The following ABCG5 variants were observed in gnomAD, a reference collection of about 807,000 sequenced individuals.
ABCG5 encodes ATP-binding cassette sub-family G member 5.
In ABCG5, 64 loss-of-function variants were observed where a neutral mutation model predicts 64.5. The observed-to-expected ratio is 0.99, with a 90% CI of 0.81 to 1.22. ABCG5 has a LOEUF of 1.22. ABCG5 is among the 50% of genes most tolerant of loss of function. The pLI, the probability that ABCG5 is intolerant of heterozygous loss-of-function variation, is 0.00. For synonymous variants in ABCG5, 385 were observed against 326.3 expected, an observed-to-expected ratio of 1.18 and a Z score of -1.94; for missense variants, 908 against 829.5, an observed-to-expected ratio of 1.09 and a Z score of -1.16.
intron 9 of ABCG5, among the ~76,000 whole-genome samples, chr2:43,823,332 C>A: frequency 7.2e-6 from 1 of 138,570 alleles, no homozygotes; most frequent in East Asian, 2.3e-4. Context: ...CTCGGAAGGC[C>A]AGGCAAACCC....
At chr2:43,813,367 C>T in intron 12 of ABCG5, 58 bp from the exon 13 acceptor site, 1 of 1,259,858 alleles carries the variant, frequency 7.9e-7, no homozygotes, top group Middle Eastern at 1.9e-4. Flanking sequence ...ATTTAATCAA[C>T]AAGTATTTAC....
intron 2 of ABCG5, 34 bp from the exon 3 acceptor site, chr2:43,832,117 C>G: frequency 6.4e-7 from 1 of 1,561,968 alleles, no homozygotes; most frequent in Non-Finnish European, 8.7e-7. Context: ...CTAGAGGAAC[C>G]ACTCTGTGCC....
chr2:43,838,940 G>A (rs1191500522), upstream of ABCG5: 1 of 1,278,572 alleles, frequency 7.8e-7, no homozygotes, highest in Non-Finnish European at 1.1e-6. This position sits in a 1 kb window ranked among gnomAD's most constrained non-coding sequence, Gnocchi z 4.2. Flanking sequence ...GACGGGCCCA[G>A]GGCAGGAGGC....
chr2:43,809,921 A>G (rs1666420902), downstream of ABCG5: 55 of 1,383,370 alleles, frequency 4.0e-5, no homozygotes, highest in Non-Finnish European at 5.2e-5. Flanking sequence ...ATCTCCCTGT[A>G]TATCTTGAAG....
downstream of ABCG5, among the ~76,000 whole-genome samples, chr2:43,811,069 C>T (rs1666463896): frequency 6.6e-6 from 1 of 152,154 alleles, no homozygotes; most frequent in African/African-American, 2.4e-5. Flanking sequence ...GAATGAAATT[C>T]ATCTGCATAT....
chr2:43,826,470 T>A lies in ABCG5; in HGVS notation c.686A>T (p.Asn229Ile), dbSNP rs1055275055. 1 of 1,614,024 alleles carries A rather than the reference T, an allele frequency of 6.2e-7. No homozygotes were observed. The highest frequency in any genetic ancestry group is 1.7e-5 in the Admixed American group (1 of 60,000). ...PTTGLDCMTA[N>I]QIVVLLVELA... is the part of the protein sequence containing the mutation. Reference sequence around the variant, plus strand: ...TTCCACCAGGAGGACGACAATCTGATTAGCAGTCATGCAGTCCAGGCCTGT... The same window carrying A: ...TTCCACCAGGAGGACGACAATCTGAATAGCAGTCATGCAGTCCAGGCCTGT... The change falls in exon 6 of 13, where the codon AAT becomes ATT. Residue 229 changes from asparagine (N) to isoleucine (I), a missense_variant. Physicochemically the swap from Asn to Ile is moderately radical, Grantham distance 149 (BLOSUM62 -3). Transcript: ENST00000405322.
chr2:43,820,746 C>G (rs1430505272), intron 10 of ABCG5, among the ~76,000 whole-genome samples: 1 of 152,142 alleles, frequency 6.6e-6, no homozygotes, highest in African/African-American at 2.4e-5. Context: ...CTCTGCTTCC[C>G]AGGTTCCAGT....
chr2:43,838,717 G>T lies in ABCG5; in HGVS notation c.-38C>A, dbSNP rs377117720. 6.2e-7 allele frequency: 1 copy of T among 1,609,044 alleles called. No homozygotes were observed. The highest frequency in any genetic ancestry group is 1.3e-5 in the African/African-American group (1 of 74,752). On this transcript the variant is annotated 5_prime_UTR_variant, in exon 1 of 13. Transcript: ENST00000405322. This position sits in a 1 kb window ranked among gnomAD's most constrained non-coding sequence, Gnocchi z 4.2. ...GCAAAGCTGGGCAAATTTTCTGGTG[G>T]CCGGACCCTCCCCAGAGTGGCTTCA...
At chr2:43,823,862 AGG>A (rs1223684792) in intron 9 of ABCG5, 49 bp downstream of exon 9, 1 of 1,588,698 alleles carries the variant, frequency 6.3e-7, no homozygotes, top group South Asian at 1.1e-5. Context: ...CAGCTGGAGA[AGG>A]GAGGTATTTA....
chr2:43,825,698 C>T (rs1401500398), intron 6 of ABCG5, among the ~76,000 whole-genome samples: 1 of 151,242 alleles, frequency 6.6e-6, no homozygotes, highest in African/African-American at 2.4e-5. Context: ...CTGCAACCTC[C>T]TGGGTTCAAG....
chr2:43,810,664 G>A (rs1666449726), downstream of ABCG5, among the ~76,000 whole-genome samples: 1 of 152,204 alleles, frequency 6.6e-6, no homozygotes, highest in South Asian at 2.1e-4. Flanking sequence ...CAAGCCATCT[G>A]CTTATTGCAA....
intron 11 of ABCG5, among the ~76,000 whole-genome samples, chr2:43,818,447 AAAAC>A (rs1333115083): frequency 6.6e-6 from 1 of 152,022 alleles, no homozygotes; most frequent in Non-Finnish European, 1.5e-5. Flanking sequence ...GTGTTTCAAA[AAAAC>A]AAAAACAAAA....
At position 43,838,715 on chromosome 2, in the gene ABCG5, T is replaced by G; in HGVS notation, c.-36A>C. On this transcript the variant is annotated 5_prime_UTR_variant, in exon 1 of 13. Transcript: ENST00000405322. This position sits in a 1 kb window ranked among gnomAD's most constrained non-coding sequence, Gnocchi z 4.2. ...CAGCAAAGCTGGGCAAATTTTCTGG[T>G]GGCCGGACCCTCCCCAGAGTGGCTT... 2 of 1,609,928 alleles carry G rather than the reference T, an allele frequency of 1.2e-6. No individual in the cohort carries two copies. The highest frequency in any genetic ancestry group is 1.7e-6 in the Non-Finnish European group (2 of 1,178,486).
chr2:43,812,844 G>C lies in ABCG5; in HGVS notation c.*272C>G. 1 of 455,926 alleles carries C rather than the reference G, an allele frequency of 2.2e-6. No individual in the cohort carries two copies. The highest frequency in any genetic ancestry group is 4.0e-6 in the Non-Finnish European group (1 of 250,304). The allele number at this position is 455,926 out of a possible 1,614,324, so 28.2% of individuals were successfully genotyped here. A position where few individuals can be genotyped will look rare whatever the true frequency, so the allele number is the denominator to read the frequency against. ...AAAATAGTCACACGAGTCTCCCATAGGTTTATGAATATTATTTACATTCTT... is the reference window on the plus strand; with the variant it reads ...AAAATAGTCACACGAGTCTCCCATACGTTTATGAATATTATTTACATTCTT... On this transcript the variant is annotated 3_prime_UTR_variant, in exon 13 of 13. Transcript: ENST00000405322.
intron 11 of ABCG5, 91 bp downstream of exon 11, chr2:43,819,824 G>T: frequency 7.2e-7 from 1 of 1,389,502 alleles, no homozygotes; most frequent in Non-Finnish European, 1.0e-6. Flanking sequence ...ACCACTATCA[G>T]TTCTCTGGTA....
chr2:43,838,254 C>A lies in ABCG5; in HGVS notation c.143+283G>T. The A allele has an allele frequency of 1.7e-6, 1 of 594,932 alleles. No individual in the cohort carries two copies. Among genetic ancestry groups the A allele is most frequent in the Non-Finnish European group, 3.0e-6 (1 of 335,914 alleles). The allele number at this position is 594,932 out of a possible 1,614,324, so 36.9% of individuals were successfully genotyped here. ...AAGACTCCTTGCATTCGCAGTACCCCCATTCCCATCCACAGAGGGCAGGCC... is the reference window on the plus strand; with the variant it reads ...AAGACTCCTTGCATTCGCAGTACCCACATTCCCATCCACAGAGGGCAGGCC... On this transcript the variant is annotated intron_variant, in intron 1 of 12. Transcript: ENST00000405322. This position sits in a 1 kb window ranked among gnomAD's most constrained non-coding sequence, Gnocchi z 4.2.
chr2:43,835,853 GA>G (rs930239381), intron 2 of ABCG5, among the ~76,000 whole-genome samples: 30 of 151,908 alleles, frequency 2.0e-4, no homozygotes, highest in African/African-American at 6.3e-4. Context: ...AGAACTGTGA[GA>G]AAAAAATTTC....
chr2:43,837,426 T>C (rs570712854), intron 2 of ABCG5, among the ~76,000 whole-genome samples: 28 of 152,278 alleles, frequency 1.8e-4, no homozygotes, highest in African/African-American at 6.7e-4. Flanking sequence ...CAGCCTATTC[T>C]CTATTCTTGA....
chr2:43,838,265 C>G lies in ABCG5; in HGVS notation c.143+272G>C. The G allele has an allele frequency of 1.7e-6, 1 of 595,924 alleles. No individual in the cohort carries two copies. 36.9% of individuals were successfully genotyped at this position (595,924 alleles called of 1,614,324 possible). A position where few individuals can be genotyped will look rare whatever the true frequency, so the allele number is the denominator to read the frequency against. The stretch of plus-strand genomic sequence containing the variant: ...CATTCGCAGTACCCCCATTCCCATC[C>G]ACAGAGGGCAGGCCGTAGACACTGG... On this transcript the variant is annotated intron_variant, in intron 1 of 12. Coordinates refer to ENST00000405322, the MANE Select transcript of ABCG5 (RefSeq NM_022436.3). This position sits in a 1 kb window ranked among gnomAD's most constrained non-coding sequence, Gnocchi z 4.2.
Sources: gnomAD v4.1 joint callset for allele counts (sites outside exome capture counted in the v4.1 genomes callset) on GRCh38, gnomAD v4.1.1 for gene constraint, Gnocchi (gnomAD v3.1) non-coding constraint, MANE v1.5 for transcripts, NCBI Gene and HGNC (gene_info 2026-07-23, HGNC 2026-07-21) for gene names.